The following SGMS1 variants were observed in gnomAD, a reference collection of about 807,000 sequenced individuals.
SGMS1 encodes the protein phosphatidylcholine:ceramide cholinephosphotransferase 1.
In SGMS1, 13 loss-of-function variants were observed where a neutral mutation model predicts 46.2. The observed-to-expected ratio is 0.28, with a 90% CI of 0.18 to 0.45. The LOEUF is 0.45. Among genes scored for constraint, SGMS1 ranks in the 20% least tolerant of loss-of-function variants. The pLI, the probability that SGMS1 is intolerant of heterozygous loss-of-function variation, is 1.00. For synonymous variants in SGMS1, 203 were observed against 187.8 expected (o/e 1.08, Z -0.66); for missense variants, 324 against 519.9 (o/e 0.62, Z 3.66).
intron 2 of SGMS1, 31 bp from the exon 3 acceptor site, chr10:50,519,952 G>A (rs1463046467): frequency 6.6e-6 from 1 of 152,270 alleles, no homozygotes; most frequent in African/African-American, 2.4e-5. Context: ...AATGAGGAAG[G>A]AAGCAACCAG....
At chr10:50,579,900 C>T (rs1838417304) in intron 2 of SGMS1, among the ~76,000 whole-genome samples, 1 of 152,154 alleles carries the variant, frequency 6.6e-6, no homozygotes, top group South Asian at 2.1e-4. Flanking sequence ...AGCAAGTAGT[C>T]TGGACTGGAG....
chr10:50,380,994 CTT>C (rs749662046), intron 6 of SGMS1, among the ~76,000 whole-genome samples: 3 of 138,670 alleles, frequency 2.2e-5, no homozygotes, highest in Non-Finnish European at 3.1e-5. Flanking sequence ...CCACACCTGG[CTT>C]TTTTTTTTTT....
chr10:50,363,841 T>C (rs931366276), intron 6 of SGMS1, among the ~76,000 whole-genome samples: 7 of 152,134 alleles, frequency 4.6e-5, no homozygotes, highest in Admixed American at 2.6e-4. Context: ...TTGTGCCTAC[T>C]TTAAAATATG....
intron 3 of SGMS1, among the ~76,000 whole-genome samples, chr10:50,490,972 G>A (rs1234125124): frequency 6.6e-6 from 1 of 152,014 alleles, no homozygotes; most frequent in Non-Finnish European, 1.5e-5. Context: ...AAAGAGTAGT[G>A]CTTATTCATT....
chr10:50,431,829 T>C (rs1225097430), intron 6 of SGMS1, among the ~76,000 whole-genome samples: 6 of 152,164 alleles, frequency 3.9e-5, no homozygotes, highest in East Asian at 1.9e-4. Flanking sequence ...GGAAGTTCAA[T>C]AGGCAGTGAG....
chr10:50,564,393 T>C lies in SGMS1; in HGVS notation c.-589+25760A>G, dbSNP rs371914134. Among the ~76,000 whole-genome samples, 8 of 152,322 alleles carry C rather than the reference T, an allele frequency of 5.3e-5. No homozygotes were observed. In the South Asian group the frequency reaches 1.0e-3, roughly 20 times the overall value. ...TTTATATTCTTTAAACTGCGCGACA[T>C]TGTTTAAAGGCACCTGCAATATGAC... On this transcript the variant is annotated intron_variant, in intron 2 of 10. Transcript: ENST00000361781.
At chr10:50,428,801 T>A (rs553352645) in intron 6 of SGMS1, among the ~76,000 whole-genome samples, 12 of 152,284 alleles carry the variant, frequency 7.9e-5, no homozygotes, top group African/African-American at 2.4e-4. Context: ...GTTATGAGAC[T>A]AAGTACAATG....
chr10:50,333,495 A>C (rs1187665592), intron 7 of SGMS1, among the ~76,000 whole-genome samples: 2 of 152,016 alleles, frequency 1.3e-5, no homozygotes, highest in Non-Finnish European at 2.9e-5. Context: ...AGGACTGCAA[A>C]CCCCTGGAGA....
intron 3 of SGMS1, among the ~76,000 whole-genome samples, chr10:50,505,579 G>A (rs1035134740): frequency 6.6e-6 from 1 of 152,086 alleles, no homozygotes; most frequent in African/African-American, 2.4e-5. Context: ...ATAACCAAAG[G>A]CAAACTCATG....
intron 7 of SGMS1, chr10:50,341,550 A>G (rs1246225541): frequency 2.4e-6 from 1 of 417,980 alleles, no homozygotes; most frequent in Non-Finnish European, 4.8e-6. Context: ...TTAGAATCTA[A>G]TAAAATGTAG....
Position 50,313,993 on chromosome 10 carries a change from T to C in SGMS1, c.742-2578A>G, listed in dbSNP as rs759476772. Among the ~76,000 whole-genome samples, 43 of 152,236 alleles carry C rather than the reference T, an allele frequency of 2.8e-4. 1 individual carries two copies. The highest frequency in any genetic ancestry group is 6.8e-3 in the Middle Eastern group (2 of 294). ...AAAAGAGAAAGAAAAATTTAAATTA[T>C]GTTTAAAAAAAGCAAACAAAATACA... On this transcript the variant is annotated intron_variant, in intron 8 of 10. Coordinates refer to ENST00000361781, the MANE Select transcript of SGMS1 (RefSeq NM_147156.4).
intron 2 of SGMS1, among the ~76,000 whole-genome samples, chr10:50,564,669 A>T (rs1838272755): frequency 6.6e-6 from 1 of 152,254 alleles, no homozygotes; most frequent in African/African-American, 2.4e-5. Flanking sequence ...ACCCACAGTT[A>T]ATGGATTACA....
chr10:50,490,410 G>A (rs1024670252), intron 3 of SGMS1, among the ~76,000 whole-genome samples: 4 of 152,080 alleles, frequency 2.6e-5, no homozygotes, highest in African/African-American at 9.7e-5. Context: ...ATTTTTAGAC[G>A]GCCCAGTCAT....
At chr10:50,611,786 TG>T (rs1156766691) in intron 1 of SGMS1, among the ~76,000 whole-genome samples, 2 of 152,154 alleles carry the variant, frequency 1.3e-5, no homozygotes, top group East Asian at 3.9e-4. Context: ...CGCTGCCCCC[TG>T]CCTTTCCTCC....
chr10:50,476,625 C>T (rs1269571691), intron 3 of SGMS1, among the ~76,000 whole-genome samples: 1 of 152,192 alleles, frequency 6.6e-6, no homozygotes, highest in Non-Finnish European at 1.5e-5. Flanking sequence ...TCTCCCATCA[C>T]AGGCCAGGAG....
At chr10:50,329,390 T>C (rs185806334) in intron 7 of SGMS1, among the ~76,000 whole-genome samples, 2 of 152,344 alleles carry the variant, frequency 1.3e-5, no homozygotes, top group East Asian at 1.9e-4. Flanking sequence ...AATTTGACCA[T>C]TTCCATGTGA....
intron 6 of SGMS1, among the ~76,000 whole-genome samples, chr10:50,389,855 A>G (rs1848739878): frequency 6.6e-6 from 1 of 152,248 alleles, no homozygotes; most frequent in South Asian, 2.1e-4. Context: ...CAATTTAGGA[A>G]TCATTTTGCC....
chr10:50,470,621 A>C (rs1837370193), intron 3 of SGMS1, among the ~76,000 whole-genome samples: 1 of 151,868 alleles, frequency 6.6e-6, no homozygotes, highest in African/African-American at 2.4e-5. Flanking sequence ...AGGACTTTCC[A>C]CTACACTTAA....
chr10:50,329,458 C>G (rs1011147489), intron 7 of SGMS1, among the ~76,000 whole-genome samples: 1 of 152,162 alleles, frequency 6.6e-6, no homozygotes, highest in Non-Finnish European at 1.5e-5. Context: ...TAAGAATTTT[C>G]TGCTCTTTGG....
Sources: gnomAD v4.1 joint callset for allele counts (sites outside exome capture counted in the v4.1 genomes callset) on GRCh38, gnomAD v4.1.1 for gene constraint, MANE v1.5 for transcripts, NCBI Gene and HGNC (gene_info 2026-07-23, HGNC 2026-07-21) for gene names.